ADAM2: variants seen among roughly 807,000 people sequenced by gnomAD.
ADAM2 encodes ADAM metallopeptidase domain 2.
In ADAM2, 101 loss-of-function variants were observed where a neutral mutation model predicts 99.3. The ratio of observed to expected loss-of-function variants is 1.02; its 90% CI spans 0.87 to 1.20. The LOEUF (loss-of-function observed/expected upper bound fraction) is 1.20. Among genes scored for constraint, ADAM2 ranks in the 50% most tolerant of loss-of-function variants. The pLI is 0.00. For synonymous variants in ADAM2, 323 were observed against 287.6 expected (o/e 1.12, Z -1.25); for missense variants, 948 against 878.7 (o/e 1.08, Z -1.00).
intron 6 of ADAM2, among the ~76,000 whole-genome samples, chr8:39,811,212 C>G (rs1314545763): frequency 2.0e-5 from 3 of 152,196 alleles, no homozygotes; most frequent in Non-Finnish European, 4.4e-5. Flanking sequence ...TTCCTGGACA[C>G]ATACATCCTC....
intron 15 of ADAM2, among the ~76,000 whole-genome samples, chr8:39,757,895 C>T (rs1328540241): frequency 6.6e-6 from 1 of 151,996 alleles, no homozygotes; most frequent in Non-Finnish European, 1.5e-5. Flanking sequence ...CAATACTACA[C>T]AGACATTTCA....
chr8:39,824,401 A>G (rs1043258717), intron 4 of ADAM2, among the ~76,000 whole-genome samples: 2 of 152,252 alleles, frequency 1.3e-5, no homozygotes, highest in South Asian at 2.1e-4. Flanking sequence ...TTCCAAATAG[A>G]TGAAAATTTA....
chr8:39,835,975 G>T (rs566378083), intron 2 of ADAM2, among the ~76,000 whole-genome samples: 4 of 151,764 alleles, frequency 2.6e-5, no homozygotes, highest in Non-Finnish European at 4.4e-5. Context: ...TTTTTTGTTG[G>T]TGGTGGTGCT....
At chr8:39,801,006 T>A (rs1804184053) in intron 7 of ADAM2, among the ~76,000 whole-genome samples, 1 of 152,134 alleles carries the variant, frequency 6.6e-6, no homozygotes, top group Admixed American at 6.5e-5. Flanking sequence ...TTATTAACCA[T>A]CTTCTGTCAA....
At chr8:39,804,135 A>C (rs1804332937) in intron 7 of ADAM2, among the ~76,000 whole-genome samples, 1 of 152,204 alleles carries the variant, frequency 6.6e-6, no homozygotes, top group Non-Finnish European at 1.5e-5. Context: ...GCGAAATATG[A>C]GTCAGCAAGG....
intron 7 of ADAM2, among the ~76,000 whole-genome samples, chr8:39,807,144 C>T (rs1804473132): frequency 1.3e-5 from 2 of 152,198 alleles, no homozygotes; most frequent in African/African-American, 4.8e-5. Context: ...GGCATCAAGC[C>T]AAACAGCATT....
intron 6 of ADAM2, among the ~76,000 whole-genome samples, chr8:39,816,308 A>G (rs1268041128): frequency 6.6e-6 from 1 of 152,086 alleles, no homozygotes; most frequent in Non-Finnish European, 1.5e-5. Context: ...AAAAAATAAA[A>G]AACAACAAAT....
At chr8:39,812,489 C>A (rs1490180184) in intron 6 of ADAM2, among the ~76,000 whole-genome samples, 4 of 152,194 alleles carry the variant, frequency 2.6e-5, no homozygotes, top group African/African-American at 9.6e-5. Flanking sequence ...GCCAAAAGAA[C>A]AAAGCTGGAG....
chr8:39,787,102 A>G (rs1225398976), intron 9 of ADAM2, 47 bp from the exon 10 acceptor site: 2 of 1,231,492 alleles, frequency 1.6e-6, no homozygotes, highest in Non-Finnish European at 2.3e-6. Flanking sequence ...GTAAAAATTA[A>G]TATGAATTTT....
intron 7 of ADAM2, among the ~76,000 whole-genome samples, chr8:39,796,098 A>G (rs1282113152): frequency 2.0e-5 from 3 of 151,356 alleles, no homozygotes; most frequent in Non-Finnish European, 4.4e-5. Flanking sequence ...AAAACAGGAT[A>G]CATGTGCAGA....
At chr8:39,796,808 T>A (rs985757055) in intron 7 of ADAM2, among the ~76,000 whole-genome samples, 13 of 152,248 alleles carry the variant, frequency 8.5e-5, no homozygotes, top group African/African-American at 2.9e-4. Flanking sequence ...TGGAGCTTTT[T>A]TTTCCATATG....
At chr8:39,808,563 A>G (rs1804549412) in intron 7 of ADAM2, among the ~76,000 whole-genome samples, 2 of 152,168 alleles carry the variant, frequency 1.3e-5, no homozygotes, top group Non-Finnish European at 2.9e-5. Context: ...GCAGAAATGG[A>G]TAAGGTGGTC....
intron 11 of ADAM2, among the ~76,000 whole-genome samples, chr8:39,775,825 T>C (rs1802965682): frequency 1.3e-5 from 2 of 152,114 alleles, no homozygotes; most frequent in Admixed American, 6.6e-5. Flanking sequence ...TAGATTGATA[T>C]GCTCACTTGA....
rs144796717 is a variant in ADAM2 at position 39,770,094 on chromosome 8, C to G, written c.1029-519G>C. Among the ~76,000 whole-genome samples, 746 of 151,872 alleles carry G rather than the reference C, an allele frequency of 4.9e-3. 4 individuals carry two copies. The highest frequency in any genetic ancestry group is 0.017 in the African/African-American group (712 of 41,452). On this transcript the variant is annotated intron_variant, in intron 11 of 20. Transcript: ENST00000265708. ...CCAAGTAACTGGGATTAGAGGGACA[C>G]GCCACCACGACCTACTAATTTTTGT...
intron 5 of ADAM2, 29 bp from the exon 6 acceptor site, chr8:39,821,199 T>C: frequency 6.9e-7 from 1 of 1,447,414 alleles, no homozygotes; most frequent in Non-Finnish European, 9.4e-7. Context: ...AATTAATAAG[T>C]AAAACAATGC....
intron 15 of ADAM2, among the ~76,000 whole-genome samples, chr8:39,758,165 A>G (rs2129583497): frequency 6.6e-6 from 1 of 152,296 alleles, no homozygotes; most frequent in East Asian, 1.9e-4. Context: ...AATATGTGAT[A>G]CATGTATGTG....
intron 18 of ADAM2, 135 bp downstream of exon 18, chr8:39,749,177 A>G: frequency 1.3e-6 from 1 of 749,948 alleles, no homozygotes; most frequent in Non-Finnish European, 2.2e-6. Context: ...TGGAAGTAAC[A>G]CATACACATT....
intron 10 of ADAM2, 105 bp from the exon 11 acceptor site, chr8:39,777,266 G>A (rs1419480340): frequency 4.8e-6 from 4 of 839,136 alleles, no homozygotes; most frequent in Non-Finnish European, 7.3e-6. Flanking sequence ...AGGGGCATCT[G>A]TTATCCCAAA....
At position 39,749,677 on chromosome 8, in the gene ADAM2, T is replaced by C. The variant is rs1453223497; in HGVS notation, c.1865A>G (p.Asn622Ser). 4.3e-6 allele frequency: 7 copies of C among 1,611,200 alleles called. No homozygotes were observed. Among genetic ancestry groups the C allele is most frequent in the Non-Finnish European group, 5.9e-6 (7 of 1,178,050 alleles). ...AGTACTGCTACTTACACCTCTATCA[T>C]TGCATTTGTCAGTAGTACAATCATA... ...LGYDCTTDKCNDRGVCNNKKH... is the reference protein window; with the variant it reads ...LGYDCTTDKCSDRGVCNNKKH... The change falls in exon 17 of 21, where the codon AAT becomes AGT. Residue 622 changes from asparagine (N) to serine (S), a missense_variant. Coordinates refer to ENST00000265708, the MANE Select transcript of ADAM2 (RefSeq NM_001464.5).
Sources: gnomAD v4.1 joint callset for allele counts (sites outside exome capture counted in the v4.1 genomes callset) on GRCh38, gnomAD v4.1.1 for gene constraint, MANE v1.5 for transcripts, NCBI Gene and HGNC (gene_info 2026-07-23, HGNC 2026-07-21) for gene names.